The following MYO1E variants were observed in gnomAD, a reference collection of about 807,000 sequenced individuals.
MYO1E encodes unconventional myosin-Ie.
Under a neutral mutation model 151.1 loss-of-function variants are expected in MYO1E, and 68 were observed. The observed-to-expected ratio is 0.45, with a 90% CI of 0.37 to 0.55. MYO1E has a LOEUF of 0.55. MYO1E is among the 20% of genes least tolerant of loss of function. The probability of loss-of-function intolerance (pLI) is 0.00; values close to 1 mark genes in which losing one functional copy is unlikely to be tolerated. For missense variants in MYO1E, 1,363 were observed against 1,389.3 expected (o/e 0.98, Z 0.30); for synonymous variants, 601 against 501.7 (o/e 1.20, Z -2.64).
intron 18 of MYO1E, among the ~76,000 whole-genome samples, chr15:59,186,252 T>C (rs1214484942): frequency 1.3e-5 from 2 of 152,142 alleles, no homozygotes; most frequent in African/African-American, 2.4e-5. Flanking sequence ...TACAAAATCA[T>C]TAGCTCTTTT....
intron 2 of MYO1E, among the ~76,000 whole-genome samples, chr15:59,271,536 A>G (rs1380701828): frequency 6.6e-6 from 1 of 152,242 alleles, no homozygotes; most frequent in Admixed American, 6.5e-5. Context: ...ATAGAACTTA[A>G]GCAAATATCA....
intron 26 of MYO1E, among the ~76,000 whole-genome samples, chr15:59,150,516 C>A (rs561198789): frequency 2.0e-5 from 3 of 152,212 alleles, no homozygotes; most frequent in Non-Finnish European, 2.9e-5. Context: ...GCAGCTAGCA[C>A]ACAGAGCTAA....
chr15:59,349,964 T>C (rs752672335), intron 1 of MYO1E, among the ~76,000 whole-genome samples: 54 of 152,184 alleles, frequency 3.5e-4, no homozygotes, highest in Non-Finnish European at 6.8e-4. Context: ...TGCCTCTAAC[T>C]TTAGGGCGAT....
At position 59,202,398 on chromosome 15, in the gene MYO1E, T is replaced by C. The variant is rs762919779; in HGVS notation, c.1626A>G (p.Ile542Met). Residue 542 changes from isoleucine to methionine, a missense_variant, in exon 16 of 28, where the codon ATA (isoleucine) becomes ATG (methionine). By Grantham distance (10) the Ile-to-Met change is conservative. Transcript: ENST00000288235. ...GCAGATTTTCCGGAAATAAAGACTT[T>C]ATGAAAGGCCTGGAAAAGGAGAAAG... Reference protein sequence around the residue: ...ELMQSSELPFIKSLFPENLQA... With the variant: ...ELMQSSELPFMKSLFPENLQA... 1.2e-6 allele frequency: 2 copies of C among 1,613,918 alleles called. No individual in the cohort carries two copies. The highest frequency in any genetic ancestry group is 8.5e-7 in the Non-Finnish European group (1 of 1,179,786).
intron 4 of MYO1E, among the ~76,000 whole-genome samples, chr15:59,253,685 T>C (rs2080178299): frequency 6.6e-6 from 1 of 152,116 alleles, no homozygotes. Flanking sequence ...TTTCACCATG[T>C]TGGCCAGGAT....
At chr15:59,309,861 G>A (rs2080538969) in intron 1 of MYO1E, among the ~76,000 whole-genome samples, 1 of 152,114 alleles carries the variant, frequency 6.6e-6, no homozygotes, top group African/African-American at 2.4e-5. Flanking sequence ...CGTATATACT[G>A]ATAGGGATTA....
At chr15:59,161,942 A>ATAAAG (rs1283124681) in intron 23 of MYO1E, among the ~76,000 whole-genome samples, 3 of 152,252 alleles carry the variant, frequency 2.0e-5, no homozygotes, top group African/African-American at 7.2e-5. Flanking sequence ...TCATCATGAT[A>ATAAAG]TAAAGGCTTT....
At chr15:59,173,713 T>G in intron 21 of MYO1E, 33 bp downstream of exon 21, 1 of 1,610,862 alleles carries the variant, frequency 6.2e-7, no homozygotes, top group Non-Finnish European at 8.5e-7. Context: ...GGAATCTGTT[T>G]GGTGATCTCA....
At chr15:59,291,745 A>G (rs2140397188) in intron 1 of MYO1E, among the ~76,000 whole-genome samples, 1 of 151,172 alleles carries the variant, frequency 6.6e-6, no homozygotes, top group South Asian at 2.1e-4. Flanking sequence ...AGATTAACAA[A>G]AAGAGAAATA....
At chr15:59,142,693 A>G (rs1193990233) in intron 26 of MYO1E, among the ~76,000 whole-genome samples, 3 of 152,038 alleles carry the variant, frequency 2.0e-5, no homozygotes, top group African/African-American at 4.8e-5. Flanking sequence ...GCCCCTGCTC[A>G]CACCCCAGCC....
At chr15:59,193,412 A>G (rs2079746317) in intron 17 of MYO1E, among the ~76,000 whole-genome samples, 1 of 152,206 alleles carries the variant, frequency 6.6e-6, no homozygotes, top group Non-Finnish European at 1.5e-5. Context: ...AGCATTTTAC[A>G]TCTTTAGAGG....
chr15:59,341,143 CA>C (rs1381093457), intron 1 of MYO1E, among the ~76,000 whole-genome samples: 1 of 151,862 alleles, frequency 6.6e-6, no homozygotes, highest in Admixed American at 6.6e-5. Flanking sequence ...TACAGGCATG[CA>C]ATGTGTAATA....
intron 1 of MYO1E, among the ~76,000 whole-genome samples, chr15:59,312,786 C>T (rs1310777149): frequency 2.6e-5 from 4 of 151,976 alleles, no homozygotes; most frequent in South Asian, 4.1e-4. Flanking sequence ...TTTGGGAAGC[C>T]GAGGCAGGTA....
At chr15:59,178,109 T>C (rs970933541) in intron 19 of MYO1E, among the ~76,000 whole-genome samples, 5 of 152,170 alleles carry the variant, frequency 3.3e-5, no homozygotes, top group Non-Finnish European at 5.9e-5. Flanking sequence ...GTGTAGCAGC[T>C]AGAGAGGAGC....
chr15:59,362,318 T>C (rs17269601), intron 1 of MYO1E, among the ~76,000 whole-genome samples: 4,246 of 152,334 alleles, frequency 0.028, 87 homozygotes, highest in Non-Finnish European at 0.041. Flanking sequence ...CCTATGCATA[T>C]TGATACCATA....
rs139873082 is a variant in MYO1E at position 59,277,131 on chromosome 15, T to C, written c.4-4682A>G. Among the ~76,000 whole-genome samples, 479 of 152,346 alleles carry C rather than the reference T, an allele frequency of 3.1e-3. 2 individuals carry two copies. Among genetic ancestry groups the C allele is most frequent in the Non-Finnish European group, 5.2e-3 (357 of 68,038 alleles). ...CAGGGCAGTGGGGAGGAGGTGACCA[T>C]CAATACTCTTACAAACTTCTACAAA... On this transcript the variant is annotated intron_variant, in intron 1 of 27. Transcript: ENST00000288235.
intron 1 of MYO1E, among the ~76,000 whole-genome samples, chr15:59,292,927 T>C (rs1266066558): frequency 1.3e-5 from 2 of 152,226 alleles, no homozygotes; most frequent in East Asian, 3.9e-4. Context: ...GGATTTGAGG[T>C]GGCAGGCAAA....
At position 59,227,618 on chromosome 15, in the gene MYO1E, A is replaced by G. The variant is rs112919968; in HGVS notation, c.511-28T>C. 4,372 of 1,613,588 alleles carry G rather than the reference A, an allele frequency of 2.7e-3. 107 individuals carry two copies. In the African/African-American group the frequency reaches 0.052, roughly 19 times the overall value. ...GCAAGAAAGTTAGGGATTTCCTTCAATGGTTGGTGAACAAAACATGATGTC... is the reference window on the plus strand; with the variant it reads ...GCAAGAAAGTTAGGGATTTCCTTCAGTGGTTGGTGAACAAAACATGATGTC... On this transcript the variant is annotated intron_variant, in intron 6 of 27. Transcript: ENST00000288235.
At chr15:59,171,692 T>A (rs2079595626) in intron 22 of MYO1E, among the ~76,000 whole-genome samples, 1 of 152,164 alleles carries the variant, frequency 6.6e-6, no homozygotes, top group Admixed American at 6.5e-5. Flanking sequence ...GGAGGCAACC[T>A]TTTCTTGGTA....
Sources: allele counts gnomAD v4.1 joint callset (sites outside exome capture counted in the v4.1 genomes callset), GRCh38; gene constraint gnomAD v4.1.1; transcripts MANE v1.5; gene names NCBI Gene and HGNC (gene_info 2026-07-23, HGNC 2026-07-21).